The following APP variants were observed in gnomAD, a reference collection of about 807,000 sequenced individuals.
APP encodes amyloid-beta precursor protein.
In APP, 31 loss-of-function variants were observed where a neutral mutation model predicts 101.4. The ratio of observed to expected loss-of-function variants is 0.31; its 90% CI spans 0.23 to 0.41. The LOEUF (loss-of-function observed/expected upper bound fraction) is 0.41, where lower values mean the gene tolerates loss of function less well. APP is among the 10% of genes least tolerant of loss of function. The pLI is 1.00. For synonymous variants in APP, 366 were observed against 364.4 expected, an observed-to-expected ratio of 1.00 and a Z score of -0.05; for missense variants, 839 against 1,003.7, an observed-to-expected ratio of 0.84 and a Z score of 2.22.
chr21:26,111,727 GA>G (rs377557647), intron 2 of APP, among the ~76,000 whole-genome samples: 12 of 147,630 alleles, frequency 8.1e-5, no homozygotes, highest in African/African-American at 1.5e-4. Context: ...ACAGAGTGAG[GA>G]AAAAAAAAAG....
intron 5 of APP, among the ~76,000 whole-genome samples, chr21:26,033,143 T>C (rs1388011219): frequency 6.6e-6 from 1 of 152,194 alleles, no homozygotes; most frequent in African/African-American, 2.4e-5. Flanking sequence ...TTTGGCTGTG[T>C]CCTCACTCAA....
intron 5 of APP, among the ~76,000 whole-genome samples, chr21:26,031,157 G>T (rs921693989): frequency 6.6e-6 from 1 of 152,174 alleles, no homozygotes; most frequent in Non-Finnish European, 1.5e-5. Context: ...AGGTGTCAAT[G>T]CAGCAAGAAC....
At chr21:25,910,298 T>G (rs1366488344) in intron 14 of APP, among the ~76,000 whole-genome samples, 1 of 152,036 alleles carries the variant, frequency 6.6e-6, no homozygotes, top group Non-Finnish European at 1.5e-5. Flanking sequence ...CGGCTAACTT[T>G]TTTTTGTATT....
intron 13 of APP, chr21:25,945,837 T>C (rs748536175): frequency 4.7e-5 from 21 of 451,448 alleles, no homozygotes; most frequent in Non-Finnish European, 8.9e-5. Context: ...TACAAATAGA[T>C]GTTATCATGC....
At chr21:26,132,555 A>T (rs2062817517) in intron 1 of APP, among the ~76,000 whole-genome samples, 1 of 152,206 alleles carries the variant, frequency 6.6e-6, no homozygotes, top group Non-Finnish European at 1.5e-5. Flanking sequence ...TCGTGAACTA[A>T]TTCAGAACTT....
At chr21:25,910,581 G>A (rs924512302) in intron 14 of APP, among the ~76,000 whole-genome samples, 8 of 152,164 alleles carry the variant, frequency 5.3e-5, no homozygotes, top group South Asian at 2.1e-4. Context: ...TGAACATGTA[G>A]AAAAAGATAA....
rs5843190 is a variant in APP at position 25,954,957 on chromosome 21, TG to T, written c.1588-269del. 1 allele frequency among the ~76,000 whole-genome samples: 151,383 copies of T among 151,396 alleles called. 75,685 individuals are homozygous for T. Among genetic ancestry groups the T allele is most frequent in the Non-Finnish European group, 1 (67,986 of 67,986 alleles). On this transcript the variant is annotated intron_variant, in intron 12 of 17. Transcript: ENST00000346798. ...ACTTTTTGAGCTCAGGTTTAAGACT[TG>T]ATCTTGAAACTTACCATTATCTTGT...
Position 25,915,394 on chromosome 21 carries a change from C to G in APP, c.1688-3432G>C, listed in dbSNP as rs553101739. Among the ~76,000 whole-genome samples, 92 of 152,332 alleles carry G rather than the reference C, an allele frequency of 6.0e-4. No homozygotes were observed. In the Middle Eastern group the frequency reaches 0.01, roughly 17 times the overall value. ...GGAGACTGAGGCTGGGAGAAAGGAA[C>G]CAATCTCTTCAAGACCCAATGGCCA... On this transcript the variant is annotated intron_variant, in intron 13 of 17. Coordinates refer to ENST00000346798, the MANE Select transcript of APP (RefSeq NM_000484.4).
At chr21:26,144,852 C>T (rs959537456) in intron 1 of APP, among the ~76,000 whole-genome samples, 1 of 152,152 alleles carries the variant, frequency 6.6e-6, no homozygotes, top group African/African-American at 2.4e-5. Flanking sequence ...GTTCAATGTG[C>T]TGAACAAAGT....
chr21:25,949,116 A>T (rs545709303), intron 13 of APP, among the ~76,000 whole-genome samples: 13 of 152,218 alleles, frequency 8.5e-5, no homozygotes, highest in Non-Finnish European at 1.9e-4. Flanking sequence ...AACATTAATA[A>T]ATGACTGAGC....
chr21:25,881,001 A>AGAT lies in APP; in HGVS notation c.*666_*668dup, dbSNP rs1190955573. The AGAT allele has an allele frequency of 1.3e-5, 2 of 152,540 alleles. No individual in the cohort carries two copies. Among genetic ancestry groups the AGAT allele is most frequent in the African/African-American group, 4.8e-5 (2 of 41,342 alleles). 9.4% of individuals were successfully genotyped at this position (152,540 alleles called of 1,614,324 possible). ...ATTCTTTTCTTTATCAAAGACCCAA[A>AGAT]GATACGTGGACAAAAAAAGAAAAGC... On this transcript the variant is annotated 3_prime_UTR_variant, in exon 18 of 18. Coordinates refer to ENST00000346798, the MANE Select transcript of APP (RefSeq NM_000484.4).
chr21:25,987,672 C>T (rs539665898), intron 8 of APP, among the ~76,000 whole-genome samples: 5 of 152,304 alleles, frequency 3.3e-5, no homozygotes, highest in South Asian at 2.1e-4. Context: ...GGATGACTAA[C>T]GCCTTCTACA....
intron 5 of APP, among the ~76,000 whole-genome samples, chr21:26,022,810 G>C (rs991778438): frequency 2.0e-5 from 3 of 152,230 alleles, no homozygotes; most frequent in African/African-American, 7.2e-5. Context: ...TTTAAAAACT[G>C]CAACTGAGAG....
At chr21:25,932,643 T>G (rs1170276257) in intron 13 of APP, among the ~76,000 whole-genome samples, 1 of 152,228 alleles carries the variant, frequency 6.6e-6, no homozygotes, top group Non-Finnish European at 1.5e-5. Context: ...ATGTATTTTC[T>G]TTAAGATAGT....
chr21:25,976,391 T>C (rs1486866412), intron 9 of APP, among the ~76,000 whole-genome samples: 1 of 152,180 alleles, frequency 6.6e-6, no homozygotes, highest in East Asian at 1.9e-4. Flanking sequence ...ACTGAACACC[T>C]AAGTTTTACT....
intron 14 of APP, among the ~76,000 whole-genome samples, chr21:25,907,166 A>G (rs2038835629): frequency 6.6e-6 from 1 of 152,114 alleles, no homozygotes; most frequent in South Asian, 2.1e-4. Context: ...ATTTTTTTAA[A>G]TAGGCATGTA....
intron 6 of APP, among the ~76,000 whole-genome samples, chr21:26,018,785 C>T (rs1023605960): frequency 3.3e-5 from 5 of 152,156 alleles, no homozygotes; most frequent in African/African-American, 9.7e-5. Flanking sequence ...TTTTGTTGCT[C>T]TTCTTGCCAA....
At chr21:25,898,743 G>T (rs1165774677) in intron 15 of APP, among the ~76,000 whole-genome samples, 1 of 152,134 alleles carries the variant, frequency 6.6e-6, no homozygotes, top group African/African-American at 2.4e-5. Context: ...TTAAAACCTT[G>T]AACAGGTATC....
intron 1 of APP, among the ~76,000 whole-genome samples, chr21:26,163,239 C>CAAAA (rs58816061): frequency 1.7e-5 from 1 of 58,830 alleles, no homozygotes; most frequent in Non-Finnish European, 3.2e-5. Context: ...AACTCAGTCT[C>CAAAA]AAAAAAAAAA....
Sources: gnomAD v4.1 joint callset for allele counts (sites outside exome capture counted in the v4.1 genomes callset) on GRCh38, gnomAD v4.1.1 for gene constraint, MANE v1.5 for transcripts, NCBI Gene and HGNC (gene_info 2026-07-23, HGNC 2026-07-21) for gene names.